RAPGEF5: variants seen among roughly 807,000 people sequenced by gnomAD.
RAPGEF5 encodes the protein M-Ras-regulated GEF.
A neutral mutation model predicts 125.2 loss-of-function variants in RAPGEF5; 65 were observed. The ratio of observed to expected loss-of-function variants is 0.52; its 90% CI spans 0.43 to 0.64. RAPGEF5 has a LOEUF of 0.64. RAPGEF5 is among the 30% of genes least tolerant of loss of function. The pLI is 0.00. For missense variants in RAPGEF5, 958 were observed against 1,048.1 expected, an observed-to-expected ratio of 0.91 and a Z score of 1.19; for synonymous variants, 391 against 385.9, an observed-to-expected ratio of 1.01 and a Z score of -0.16.
intron 5 of RAPGEF5, among the ~76,000 whole-genome samples, chr7:22,307,697 A>G (rs1288716023): frequency 6.6e-6 from 1 of 152,176 alleles, no homozygotes; most frequent in African/African-American, 2.4e-5. Flanking sequence ...AGAGTCAACA[A>G]TATGGGAAAG....
intron 7 of RAPGEF5, among the ~76,000 whole-genome samples, chr7:22,236,707 C>T (rs1786199014): frequency 6.6e-6 from 1 of 152,168 alleles, no homozygotes; most frequent in Non-Finnish European, 1.5e-5. Context: ...CATCCATTCT[C>T]CACACAATTG....
intron 9 of RAPGEF5, among the ~76,000 whole-genome samples, chr7:22,203,258 G>A (rs1270313266): frequency 2.6e-5 from 4 of 152,064 alleles, no homozygotes; most frequent in Admixed American, 6.5e-5. Context: ...TTTCATGGGC[G>A]TGTGGGGCTG....
chr7:22,350,523 C>A (rs996574817), intron 1 of RAPGEF5, among the ~76,000 whole-genome samples: 2 of 152,104 alleles, frequency 1.3e-5, no homozygotes, highest in Non-Finnish European at 1.5e-5. Context: ...ATGGAAAAAC[C>A]TGATCCACTG....
intron 1 of RAPGEF5, among the ~76,000 whole-genome samples, chr7:22,328,446 G>T (rs376895636): frequency 6.6e-6 from 1 of 152,292 alleles, no homozygotes; most frequent in East Asian, 1.9e-4. Flanking sequence ...ATTTCTAAGG[G>T]CTTCTGCCAG....
chr7:22,235,077 C>T lies in RAPGEF5; in HGVS notation c.797-4158G>A, dbSNP rs954717580. 2.6e-5 allele frequency among the ~76,000 whole-genome samples: 4 copies of T among 152,250 alleles called. No homozygotes were observed. In the South Asian group the frequency reaches 8.3e-4, roughly 32 times the overall value. On this transcript the variant is annotated intron_variant, in intron 7 of 25. Transcript: ENST00000665637. ...TCTTTAAAAAAATCTTACAAACCAA[C>T]CCCAAAGATGACTACAGATAGAAAC... is the stretch of plus-strand genomic sequence containing the variant.
intron 9 of RAPGEF5, among the ~76,000 whole-genome samples, chr7:22,207,603 T>C (rs1785425843): frequency 6.6e-6 from 1 of 152,224 alleles, no homozygotes; most frequent in Non-Finnish European, 1.5e-5. Flanking sequence ...AAAAATTCTT[T>C]AACAGAAATG....
chr7:22,330,860 A>C (rs901108222), intron 1 of RAPGEF5, among the ~76,000 whole-genome samples: 6 of 152,168 alleles, frequency 3.9e-5, no homozygotes, highest in Non-Finnish European at 7.3e-5. Flanking sequence ...GTAAAATCCA[A>C]ACTCCCTCTC....
chr7:22,189,483 C>G (rs193017563), intron 11 of RAPGEF5, among the ~76,000 whole-genome samples: 3 of 152,168 alleles, frequency 2.0e-5, no homozygotes, highest in East Asian at 1.9e-4. Flanking sequence ...CCTGCTCCCC[C>G]ATCCCTTCAA....
intron 1 of RAPGEF5, among the ~76,000 whole-genome samples, chr7:22,355,127 C>T (rs770803031): frequency 2.6e-5 from 4 of 152,040 alleles, no homozygotes; most frequent in East Asian, 1.9e-4. Context: ...TATGCAGTTA[C>T]GAAATGTGTT....
At chr7:22,128,574 T>C (rs1054957272) in intron 24 of RAPGEF5, among the ~76,000 whole-genome samples, 7 of 152,192 alleles carry the variant, frequency 4.6e-5, no homozygotes, top group African/African-American at 1.7e-4. Context: ...TCCTTGAAAA[T>C]AGTGTTTCTC....
chr7:22,227,477 A>G (rs1785946605), intron 8 of RAPGEF5, among the ~76,000 whole-genome samples: 1 of 152,212 alleles, frequency 6.6e-6, no homozygotes. Flanking sequence ...GACAATGAAA[A>G]TATTCACTGA....
At chr7:22,355,074 A>C (rs1338584278) in intron 1 of RAPGEF5, among the ~76,000 whole-genome samples, 2 of 152,236 alleles carry the variant, frequency 1.3e-5, no homozygotes, top group Non-Finnish European at 2.9e-5. Context: ...GGTTTCCAAC[A>C]CTGGAAAAAC....
intron 12 of RAPGEF5, among the ~76,000 whole-genome samples, chr7:22,166,361 A>C (rs137877999): frequency 4.1e-4 from 63 of 152,304 alleles, no homozygotes; most frequent in Admixed American, 1.6e-3. Context: ...AAACACTTAA[A>C]ATGCGTCTGA....
intron 1 of RAPGEF5, among the ~76,000 whole-genome samples, chr7:22,347,576 T>A (rs1562540599): frequency 6.6e-6 from 1 of 152,142 alleles, no homozygotes; most frequent in Non-Finnish European, 1.5e-5. Context: ...AAAAAGAGAC[T>A]CTAATCAAGG....
chr7:22,304,653 T>A lies in RAPGEF5; in HGVS notation c.680+3686A>T, dbSNP rs562461625. On this transcript the variant is annotated intron_variant, in intron 5 of 25. Transcript: ENST00000665637. ...GCCCCAGTGAATCTGGGCATGCACA[T>A]GGGATTATGCACACCTCCATCTTGT... is the stretch of plus-strand genomic sequence containing the variant. Among the ~76,000 whole-genome samples the A allele has an allele frequency of 2.0e-5, 3 of 152,228 alleles. No homozygotes were observed. In the South Asian group the frequency reaches 6.2e-4, roughly 32 times the overall value.
chr7:22,345,952 A>T (rs1045359835), intron 1 of RAPGEF5, among the ~76,000 whole-genome samples: 2 of 152,306 alleles, frequency 1.3e-5, no homozygotes, highest in African/African-American at 4.8e-5. Context: ...TCTTGATTTA[A>T]TTAGATCCCT....
chr7:22,285,655 G>A (rs1467119379), intron 6 of RAPGEF5, among the ~76,000 whole-genome samples: 1 of 152,188 alleles, frequency 6.6e-6, no homozygotes, highest in Admixed American at 6.5e-5. Context: ...CTCTCTGGAT[G>A]AAGAAAGGCT....
intron 9 of RAPGEF5, among the ~76,000 whole-genome samples, chr7:22,214,060 C>A: frequency 6.6e-6 from 1 of 152,174 alleles, no homozygotes; most frequent in East Asian, 1.9e-4. Context: ...ATACTCCAAA[C>A]CACTTCTCCC....
intron 7 of RAPGEF5, among the ~76,000 whole-genome samples, chr7:22,233,074 G>A (rs1321077312): frequency 2.0e-5 from 3 of 152,054 alleles, no homozygotes; most frequent in Non-Finnish European, 4.4e-5. Flanking sequence ...TAAGAACAAA[G>A]AAAAACATGC....
Sources: gnomAD v4.1 joint callset for allele counts (sites outside exome capture counted in the v4.1 genomes callset) on GRCh38, gnomAD v4.1.1 for gene constraint, MANE v1.5 for transcripts, NCBI Gene and HGNC (gene_info 2026-07-23, HGNC 2026-07-21) for gene names.